The following TBC1D32 variants were observed in gnomAD, a reference collection of about 807,000 sequenced individuals.
The protein encoded by TBC1D32 is protein broad-minded.
In TBC1D32, 151 loss-of-function variants were observed where a neutral mutation model predicts 170.3. The observed-to-expected ratio is 0.89, with a 90% CI of 0.78 to 1.01. The LOEUF (loss-of-function observed/expected upper bound fraction) is 1.01. TBC1D32 is among the 50% of genes least tolerant of loss of function. TBC1D32 has a pLI of 0.00. For missense variants in TBC1D32, 1,464 were observed against 1,457.1 expected (o/e 1.00, Z -0.08); for synonymous variants, 498 against 488.0 (o/e 1.02, Z -0.27).
intron 12 of TBC1D32, among the ~76,000 whole-genome samples, chr6:121,290,345 A>G (rs372351624): frequency 6.6e-6 from 1 of 152,076 alleles, no homozygotes; most frequent in African/African-American, 2.4e-5. Context: ...CAAAGGATAT[A>G]AACAGACACT....
chr6:121,208,902 C>T (rs182242377), intron 21 of TBC1D32, among the ~76,000 whole-genome samples: 7 of 151,900 alleles, frequency 4.6e-5, no homozygotes, highest in East Asian at 3.9e-4. Context: ...TAATGTGTTA[C>T]GACAGACCTA....
intron 30 of TBC1D32, among the ~76,000 whole-genome samples, chr6:121,099,701 A>G (rs577013911): frequency 8.5e-5 from 13 of 152,064 alleles, no homozygotes; most frequent in Admixed American, 8.5e-4. Flanking sequence ...AAAATGGTAA[A>G]TAATATCAAC....
chr6:121,242,147 T>C (rs1583359050), intron 18 of TBC1D32, 54 bp downstream of exon 18: 6 of 1,565,596 alleles, frequency 3.8e-6, no homozygotes, highest in Non-Finnish European at 5.2e-6. Flanking sequence ...ATGTTCTTAA[T>C]GGCTTTTAAA....
intron 15 of TBC1D32, among the ~76,000 whole-genome samples, chr6:121,271,422 A>G (rs542604510): frequency 3.3e-5 from 5 of 152,192 alleles, no homozygotes; most frequent in Non-Finnish European, 7.3e-5. Flanking sequence ...AAGTCTCAGG[A>G]TACAAAATCA....
intron 1 of TBC1D32, among the ~76,000 whole-genome samples, chr6:121,325,610 T>G (rs749362155): frequency 6.6e-6 from 1 of 152,166 alleles, no homozygotes; most frequent in African/African-American, 2.4e-5. Flanking sequence ...TTACGCCTTA[T>G]ACAAAAATTA....
rs994291896 is a variant in TBC1D32, at chr6:121,295,058, CTTTATTT to C, written c.1141-405_1141-399del. ...TAGCAAAATATCAAGTGGATCAAGT[CTTTATTT>C]CCATCTCAAATACCAGAAATGCTAA... On this transcript the variant is annotated intron_variant, in intron 10 of 31. Transcript: ENST00000398212. Among the ~76,000 whole-genome samples, 82 of 152,158 alleles carry C rather than the reference CTTTATTT, an allele frequency of 5.4e-4. 1 individual carries two copies. Among genetic ancestry groups the C allele is most frequent in the Middle Eastern group, 3.4e-3 (1 of 294 alleles).
intron 30 of TBC1D32, among the ~76,000 whole-genome samples, chr6:121,092,618 A>G (rs1329320004): frequency 1.3e-5 from 2 of 152,060 alleles, no homozygotes; most frequent in East Asian, 3.9e-4. Context: ...GAAAAATCCA[A>G]GATCAAGCTA....
intron 24 of TBC1D32, among the ~76,000 whole-genome samples, chr6:121,154,615 C>A (rs143387461): frequency 2.6e-5 from 4 of 152,126 alleles, no homozygotes; most frequent in Admixed American, 6.5e-5. Context: ...CTGGAAAACA[C>A]CCTTCTCGAC....
intron 24 of TBC1D32, among the ~76,000 whole-genome samples, chr6:121,153,973 C>T (rs1456128575): frequency 2.0e-5 from 3 of 148,880 alleles, no homozygotes; most frequent in Non-Finnish European, 4.4e-5. Context: ...GGATCCCTGG[C>T]TTCAGCCCCC....
chr6:121,149,606 A>C (rs138963576), intron 24 of TBC1D32, among the ~76,000 whole-genome samples: 3 of 151,974 alleles, frequency 2.0e-5, no homozygotes, highest in Admixed American at 6.6e-5. Flanking sequence ...GTTCTGTTCC[A>C]TTGGTCTATA....
intron 20 of TBC1D32, among the ~76,000 whole-genome samples, chr6:121,230,751 T>G (rs1204291344): frequency 6.6e-6 from 1 of 151,878 alleles, no homozygotes; most frequent in Admixed American, 6.6e-5. Flanking sequence ...TTTATTTCAA[T>G]AGGTTTTTGG....
At chr6:121,205,347 C>G (rs1159049829) in intron 21 of TBC1D32, among the ~76,000 whole-genome samples, 184 bp from the exon 22 acceptor site, 1 of 152,036 alleles carries the variant, frequency 6.6e-6, no homozygotes, top group Admixed American at 6.6e-5. Context: ...TGGGTCCTAA[C>G]CCTCAAAGTT....
At chr6:121,124,413 C>T (rs1012288646) in intron 26 of TBC1D32, among the ~76,000 whole-genome samples, 1 of 152,014 alleles carries the variant, frequency 6.6e-6, no homozygotes, top group Admixed American at 6.6e-5. Context: ...TTGGAGCTCC[C>T]TAATATATTA....
At chr6:121,287,375 T>C (rs1173819381) in intron 12 of TBC1D32, among the ~76,000 whole-genome samples, 2 of 151,972 alleles carry the variant, frequency 1.3e-5, no homozygotes, top group African/African-American at 4.8e-5. Context: ...AAAACAGACT[T>C]TAAACCAACA....
intron 22 of TBC1D32, among the ~76,000 whole-genome samples, chr6:121,186,261 G>A (rs1488076092): frequency 1.3e-5 from 2 of 152,002 alleles, no homozygotes; most frequent in African/African-American, 4.8e-5. Context: ...AAGAAAGACT[G>A]CTCCTATGCA....
chr6:121,333,056 T>A (rs1339015066), intron 1 of TBC1D32, among the ~76,000 whole-genome samples: 3 of 152,042 alleles, frequency 2.0e-5, no homozygotes, highest in Non-Finnish European at 4.4e-5. Context: ...ACATAGAATT[T>A]CAAAGAACTC....
chr6:121,323,800 C>T (rs1216702553), intron 1 of TBC1D32, among the ~76,000 whole-genome samples: 1 of 152,030 alleles, frequency 6.6e-6, no homozygotes, highest in Non-Finnish European at 1.5e-5. Context: ...ATTAGCTGGG[C>T]GTGGTGGCAT....
intron 21 of TBC1D32, among the ~76,000 whole-genome samples, chr6:121,222,114 CAG>C (rs1794593095): frequency 6.6e-6 from 1 of 152,182 alleles, no homozygotes; most frequent in South Asian, 2.1e-4. Flanking sequence ...ACCAGCAAAA[CAG>C]AATACAACTC....
At chr6:121,267,996 G>A (rs578092651) in intron 15 of TBC1D32, among the ~76,000 whole-genome samples, 51 of 152,246 alleles carry the variant, frequency 3.3e-4, no homozygotes, top group Admixed American at 1.4e-3. Context: ...GGCAAACAGC[G>A]TCTGGAGTGG....
Sources: allele counts gnomAD v4.1 joint callset (sites outside exome capture counted in the v4.1 genomes callset), GRCh38; gene constraint gnomAD v4.1.1; transcripts MANE v1.5; gene names NCBI Gene and HGNC (gene_info 2026-07-23, HGNC 2026-07-21).